Variants in ATP10B observed in about 807,000 individuals in gnomAD.
The protein encoded by ATP10B is ATPase phospholipid transporting 10B (putative).
In ATP10B, 122 loss-of-function variants were observed where a neutral mutation model predicts 141.2. That is an observed-to-expected ratio of 0.86 (90% CI 0.75 to 1.00). The LOEUF is 1.00. Among genes scored for constraint, ATP10B ranks in the 50% least tolerant of loss-of-function variants. The probability of loss-of-function intolerance (pLI) is 0.00; values close to 1 mark genes in which losing one functional copy is unlikely to be tolerated. For synonymous variants in ATP10B, 685 were observed against 692.0 expected (o/e 0.99, Z 0.16); for missense variants, 1,876 against 1,825.3 (o/e 1.03, Z -0.51).
chr5:160,806,591 A>AG (rs1266785144), intron 1 of ATP10B, among the ~76,000 whole-genome samples: 3 of 152,176 alleles, frequency 2.0e-5, no homozygotes, highest in African/African-American at 7.2e-5. Flanking sequence ...TGTCTAAGGA[A>AG]GGGGGGGATA....
chr5:160,587,563 A>G (rs1298660117), intron 24 of ATP10B, among the ~76,000 whole-genome samples: 1 of 152,254 alleles, frequency 6.6e-6, no homozygotes, highest in African/African-American at 2.4e-5. Context: ...ATCCATGAGC[A>G]TGGAATGTTT....
chr5:160,918,860 A>T, the ATP10B span, among the ~76,000 whole-genome samples: 1 of 152,182 alleles, frequency 6.6e-6, no homozygotes, highest in African/African-American at 2.4e-5. Context: ...GTGAAAGCTT[A>T]GAGGTAGAAA....
chr5:160,743,536 C>A (rs748730864), intron 2 of ATP10B, among the ~76,000 whole-genome samples: 8 of 152,142 alleles, frequency 5.3e-5, no homozygotes, highest in African/African-American at 9.6e-5. Flanking sequence ...TCAATCAATG[C>A]AGGATTATTA....
intron 1 of ATP10B, among the ~76,000 whole-genome samples, chr5:160,790,144 A>G (rs908751981): frequency 7.9e-5 from 12 of 152,126 alleles, no homozygotes; most frequent in African/African-American, 2.9e-4. Flanking sequence ...CACCCAGACA[A>G]TTTGGATGGT....
chr5:160,589,659 C>T lies in ATP10B; in HGVS notation c.3683G>A (p.Gly1228Glu). The change falls in exon 24 of 26, where the codon GGG becomes GAG. Residue 1228 changes from glycine to glutamate, a missense_variant. Physicochemically the swap from Gly to Glu is moderately conservative, Grantham distance 98 (BLOSUM62 -2). Coordinates refer to ENST00000327245, the MANE Select transcript of ATP10B (RefSeq NM_025153.3). Reference protein sequence around the residue: ...KGSDIDVFTFGTPINTISLTT... With the variant: ...KGSDIDVFTFETPINTISLTT... ...GAGGGAGATGGTGTTGATTGGTGTCCCAAAGGTAAAGACATCTATATCAGA... is the reference window on the plus strand; with the variant it reads ...GAGGGAGATGGTGTTGATTGGTGTCTCAAAGGTAAAGACATCTATATCAGA... 2 of 1,613,962 alleles carry T rather than the reference C, an allele frequency of 1.2e-6. No individual in the cohort carries two copies. Among genetic ancestry groups the T allele is most frequent in the Non-Finnish European group, 1.7e-6 (2 of 1,179,962 alleles).
chr5:160,648,848 A>G (rs1760484201), intron 8 of ATP10B, among the ~76,000 whole-genome samples: 1 of 152,068 alleles, frequency 6.6e-6, no homozygotes, highest in Non-Finnish European at 1.5e-5. Context: ...ATAGGCACTT[A>G]AAAAATTGAT....
chr5:160,590,141 T>C (rs1756187910), intron 23 of ATP10B, among the ~76,000 whole-genome samples: 1 of 151,786 alleles, frequency 6.6e-6, no homozygotes, highest in Admixed American at 6.6e-5. Flanking sequence ...ATAAGAGGAG[T>C]TAATCACTTG....
intron 2 of ATP10B, among the ~76,000 whole-genome samples, chr5:160,725,626 T>C (rs1050274711): frequency 1.3e-5 from 2 of 152,182 alleles, no homozygotes; most frequent in South Asian, 2.1e-4. Flanking sequence ...TTTGTATTTT[T>C]AGTAGAGACG....
chr5:160,856,760 G>A (rs967057111), upstream of ATP10B, among the ~76,000 whole-genome samples: 6 of 151,560 alleles, frequency 4.0e-5, no homozygotes, highest in Non-Finnish European at 5.9e-5. Context: ...ATCGTGAATG[G>A]ATTTTGAATT....
In ATP10B at chr5:160,643,091, C is replaced by G. The variant is rs1759993644; in HGVS notation, c.868+1047G>C. Among the ~76,000 whole-genome samples, 3 of 152,134 alleles carry G rather than the reference C, an allele frequency of 2.0e-5. No individual in the cohort carries two copies. The South Asian group carries it at 6.2e-4, about 32-fold the overall frequency. On this transcript the variant is annotated intron_variant, in intron 9 of 25. Transcript: ENST00000327245. Reference sequence around the variant, plus strand: ...GGTGTTGAACTCCATTGCTAAAGATCTTCGAAATAAGTCATCTGAACTGAC... The same window carrying G: ...GGTGTTGAACTCCATTGCTAAAGATGTTCGAAATAAGTCATCTGAACTGAC...
At chr5:160,758,391 A>G (rs1353731202) in intron 2 of ATP10B, among the ~76,000 whole-genome samples, 3 of 152,232 alleles carry the variant, frequency 2.0e-5, no homozygotes, top group Non-Finnish European at 4.4e-5. Flanking sequence ...TACTTGATAC[A>G]TGGCAGATAT....
At chr5:160,572,589 G>A (rs1463237017) in intron 24 of ATP10B, among the ~76,000 whole-genome samples, 1 of 152,144 alleles carries the variant, frequency 6.6e-6, no homozygotes, top group African/African-American at 2.4e-5. Flanking sequence ...AGAGGACTGA[G>A]TGTTCAATCA....
At chr5:160,846,430 T>G (rs935021280) in intron 1 of ATP10B, among the ~76,000 whole-genome samples, 6 of 152,148 alleles carry the variant, frequency 3.9e-5, no homozygotes, top group African/African-American at 1.4e-4. Context: ...GGTTCTGCCA[T>G]TGACAATTAA....
the ATP10B span, among the ~76,000 whole-genome samples, chr5:160,878,499 C>A: frequency 2.9e-4 from 44 of 152,140 alleles, no homozygotes; most frequent in African/African-American, 9.7e-4. Context: ...TCCAAAACAC[C>A]AAAAGCAATG....
At chr5:160,680,500 G>A (rs1326103250) in intron 6 of ATP10B, among the ~76,000 whole-genome samples, 1 of 152,156 alleles carries the variant, frequency 6.6e-6, no homozygotes, top group Non-Finnish European at 1.5e-5. Context: ...AAACTTTAGG[G>A]ACATATAGTA....
chr5:160,717,556 C>T (rs537179663), intron 2 of ATP10B, among the ~76,000 whole-genome samples: 16 of 152,112 alleles, frequency 1.1e-4, no homozygotes, highest in Non-Finnish European at 1.8e-4. Flanking sequence ...CCTGCTTTAA[C>T]GGTGATATAT....
At chr5:160,701,865 C>T (rs926825100) in intron 3 of ATP10B, among the ~76,000 whole-genome samples, 9 of 151,844 alleles carry the variant, frequency 5.9e-5, no homozygotes, top group Non-Finnish European at 1.3e-4. Flanking sequence ...AGCAGTTACC[C>T]CTCTGCCCCA....
At chr5:160,680,799 T>C (rs149215468) in intron 6 of ATP10B, among the ~76,000 whole-genome samples, 1 of 152,308 alleles carries the variant, frequency 6.6e-6, no homozygotes, top group Non-Finnish European at 1.5e-5. Flanking sequence ...CTCTTGCCCC[T>C]AGGGATTGGT....
At position 160,644,192 on chromosome 5, in the gene ATP10B, G is replaced by GA; in HGVS notation, c.813dup (p.Arg272SerfsTer21). On this transcript the variant is annotated frameshift_variant, in exon 9 of 26. Transcript: ENST00000327245. LOFTEE classifies it high-confidence loss of function. ...TCGGTGTTTCTGATGGTGCAGCCTC[G>GA]AAGCAGAAGACTCTCACAGCCAAAG... The GA allele has an allele frequency of 6.2e-7, 1 of 1,613,862 alleles. No individual in the cohort carries two copies. Among genetic ancestry groups the GA allele is most frequent in the East Asian group, 2.2e-5 (1 of 44,874 alleles).
Sources: gnomAD v4.1 joint callset for allele counts (sites outside exome capture counted in the v4.1 genomes callset) on GRCh38, gnomAD v4.1.1 for gene constraint, MANE v1.5 for transcripts, NCBI Gene and HGNC (gene_info 2026-07-23, HGNC 2026-07-21) for gene names.